AMH: variants seen among roughly 807,000 people sequenced by gnomAD.
AMH encodes the protein anti-Muellerian hormone.
A neutral mutation model predicts 33.3 loss-of-function variants in AMH; 39 were observed. That is an observed-to-expected ratio of 1.17 (90% CI 0.91 to 1.53). The LOEUF is 1.53. Ranked by LOEUF, AMH falls within the 40% of genes most tolerant of loss-of-function variation. The pLI is 0.00. For missense variants in AMH, 1,019 were observed against 799.8 expected, an observed-to-expected ratio of 1.27 and a Z score of -3.30; for synonymous variants, 536 against 403.0, an observed-to-expected ratio of 1.33 and a Z score of -3.95.
Position 2,251,329 on chromosome 19 carries a change from C to G in AMH, c.1055C>G (p.Pro352Arg). 1 of 1,496,290 alleles carries G rather than the reference C, an allele frequency of 6.7e-7. No homozygotes were observed. The highest frequency in any genetic ancestry group is 8.8e-7 in the Non-Finnish European group (1 of 1,130,442). 92.7% of individuals were successfully genotyped at this position (1,496,290 alleles called of 1,614,324 possible). A position where few individuals can be genotyped will look rare whatever the true frequency, so the allele number is the denominator to read the frequency against. Residue 352 changes from proline to arginine, a missense_variant, in exon 5 of 5, where the codon CCC (proline) becomes CGC (arginine). Transcript: ENST00000221496. ...GAGCCGCTGCTGCTGCTGCTGAGGC[C>G]CACTGCGGCCACCACCGGGGATCCT... Reference protein sequence around the residue: ...GEEPLLLLLRPTAATTGDPAP... With the variant: ...GEEPLLLLLRRTAATTGDPAP...
rs538374149 is a variant in AMH, at chr19:2,249,420, C to T, written c.88C>T (p.Pro30Ser). Residue 30 changes from proline (P) to serine (S), a missense_variant, in exon 1 of 5, where the codon CCA (proline) becomes TCA (serine). By Grantham distance (74) the Pro-to-Ser change is moderately conservative. Coordinates refer to ENST00000221496, the MANE Select transcript of AMH (RefSeq NM_000479.5). ...LGTEALRAEE[P>S]AVGTSGLIFR... ...GACTGAGGCCCTCAGAGCAGAGGAGCCAGCTGTGGGCACCAGTGGCCTCAT... is the reference window on the plus strand; with the variant it reads ...GACTGAGGCCCTCAGAGCAGAGGAGTCAGCTGTGGGCACCAGTGGCCTCAT... The T allele has an allele frequency of 6.3e-6, 10 of 1,598,040 alleles. No homozygotes were observed. In the Admixed American group the frequency reaches 1.0e-4, roughly 16 times the overall value.
At position 2,250,359 on chromosome 19, in the gene AMH, G is replaced by A. The variant is rs1418868403; in HGVS notation, c.435G>A (p.Ser145=). The A allele has an allele frequency of 4.4e-6, 7 of 1,598,016 alleles. No individual in the cohort carries two copies. The highest frequency in any genetic ancestry group is 4.0e-5 in the African/African-American group (3 of 74,738). Residue 145 remains serine, a synonymous_variant, in exon 2 of 5, where the codon TCG becomes TCA. Transcript: ENST00000221496. The stretch of plus-strand genomic sequence containing the variant: ...CAGTGACCTGGGAGCCAACACCCTC[G>A]CTGAGGTTCCAGGAGCCCCCGCCTG... ...LEEVTWEPTP[S]LRFQEPPPGG...
At chr19:2,250,223 G>C in intron 1 of AMH, 114 bp from the exon 2 acceptor site, 1 of 1,501,650 alleles carries the variant, frequency 6.7e-7, no homozygotes, top group Non-Finnish European at 8.9e-7. Flanking sequence ...GGGCACCCTT[G>C]TCCCCCGCTT....
rs1215625333 is a variant in AMH, at chr19:2,251,566, T to G, written c.1292T>G (p.Leu431Arg). The G allele has an allele frequency of 8.4e-6, 11 of 1,312,038 alleles. No homozygotes were observed. Among genetic ancestry groups the G allele is most frequent in the Non-Finnish European group, 1.9e-6 (2 of 1,033,062 alleles). The allele number at this position is 1,312,038 out of a possible 1,614,324, so 81.3% of individuals were successfully genotyped here. Residue 431 changes from leucine to arginine, a missense_variant, in exon 5 of 5, where the codon CTG (leucine) becomes CGG (arginine). Coordinates refer to ENST00000221496, the MANE Select transcript of AMH (RefSeq NM_000479.5). ...CGAGCGCTGCTGCTCCTGAAGGCGC[T>G]GCAGGGCCTGCGCGTGGAGTGGCGC... ...PLRALLLLKA[L>R]QGLRVEWRGR...
In AMH at chr19:2,249,563, C is replaced by A. The variant is rs1159509628; in HGVS notation, c.231C>A (p.Ser77Arg). The A allele has an allele frequency of 6.3e-7, 1 of 1,579,990 alleles. No homozygotes were observed. Among genetic ancestry groups the A allele is most frequent in the South Asian group, 1.1e-5 (1 of 87,624 alleles). ...SSPLRVVGALSAYEQAFLGAV... is the reference protein window; with the variant it reads ...SSPLRVVGALRAYEQAFLGAV... The stretch of plus-strand genomic sequence containing the variant: ...CCCTGCGGGTGGTGGGGGCTCTAAG[C>A]GCCTATGAGCAGGCCTTCCTGGGGG... Residue 77 changes from serine to arginine, a missense_variant, in exon 1 of 5, where the codon AGC becomes AGA. Physicochemically the swap from Ser to Arg is moderately radical, Grantham distance 110. Coordinates refer to ENST00000221496, the MANE Select transcript of AMH (RefSeq NM_000479.5).
chr19:2,251,354 TGCGCCCCTGC>T lies in AMH; in HGVS notation c.1081_1090del (p.Ala361ThrfsTer65), dbSNP rs995935353. The T allele has an allele frequency of 3.4e-6, 5 of 1,489,848 alleles. No individual in the cohort carries two copies. In the African/African-American group the frequency reaches 7.3e-5, roughly 22 times the overall value. The allele number at this position is 1,489,848 out of a possible 1,614,324, so 92.3% of individuals were successfully genotyped here. On this transcript the variant is annotated frameshift_variant, in exon 5 of 5. Coordinates refer to ENST00000221496, the MANE Select transcript of AMH (RefSeq NM_000479.5). LOFTEE classifies it low-confidence loss of function (END_TRUNC). ...CCACTGCGGCCACCACCGGGGATCC[TGCGCCCCTGC>T]ACGACCCCACGTCGGCGCCGTGGGC...
At chr19:2,250,803 C>A in intron 3 of AMH, 43 bp downstream of exon 3, 2 of 1,538,294 alleles carry the variant, frequency 1.3e-6, no homozygotes, top group Non-Finnish European at 1.7e-6. Context: ...GTCGACTGCC[C>A]CCGGGCCCCC....
rs1414967184 is a variant in AMH at position 2,251,466 on chromosome 19, C to G, written c.1192C>G (p.Pro398Ala). The change falls in exon 5 of 5, where the codon CCG becomes GCG. Residue 398 changes from proline to alanine, a missense_variant. Coordinates refer to ENST00000221496, the MANE Select transcript of AMH (RefSeq NM_000479.5). ...GCTGCGAAGCCTCCCGGGTCTGCCT[C>G]CGGCCACAGCCCCGCTGCTGGCGCG... ...AELRSLPGLP[P>A]ATAPLLARLL... 5 of 1,413,704 alleles carry G rather than the reference C, an allele frequency of 3.5e-6. No homozygotes were observed. Among genetic ancestry groups the G allele is most frequent in the Non-Finnish European group, 4.6e-6 (5 of 1,088,640 alleles). The allele number at this position is 1,413,704 out of a possible 1,614,324, so 87.6% of individuals were successfully genotyped here.
In AMH at chr19:2,249,646, C is replaced by T; in HGVS notation, c.314C>T (p.Thr105Ile). The change falls in exon 1 of 5, where the codon ACC becomes ATC. Residue 105 changes from threonine (T) to isoleucine (I), a missense_variant. By Grantham distance (89) the Thr-to-Ile change is moderately conservative. Transcript: ENST00000221496. The part of the protein sequence containing the change: ...RDLATFGVCN[T>I]GDRQAALPSL... ...CTGGCCACCTTCGGGGTCTGCAACA[C>T]CGGTGACAGGCAGGCTGCCTTGCCC... The T allele has an allele frequency of 6.6e-7, 1 of 1,518,028 alleles. No homozygotes were observed. The highest frequency in any genetic ancestry group is 8.8e-7 in the Non-Finnish European group (1 of 1,136,058). 94.0% of individuals were successfully genotyped at this position (1,518,028 alleles called of 1,614,324 possible). A position where few individuals can be genotyped will look rare whatever the true frequency, so the allele number is the denominator to read the frequency against.
In AMH at chr19:2,250,714, C is replaced by T; in HGVS notation, c.618C>T (p.Ala206=). 1.3e-6 allele frequency: 2 copies of T among 1,538,630 alleles called. No individual in the cohort carries two copies. Among genetic ancestry groups the T allele is most frequent in the South Asian group, 1.2e-5 (1 of 84,132 alleles). Residue 206 remains alanine (A), a synonymous_variant, in exon 3 of 5, where the codon GCC becomes GCT. Coordinates refer to ENST00000221496, the MANE Select transcript of AMH (RefSeq NM_000479.5). The part of the protein sequence containing the change: ...LVLAVDRPAG[A]WRGSGLALTL... ...TAGCGGTGGACCGCCCTGCGGGGGC[C>T]TGGCGCGGCTCCGGGCTGGCCTTGA... is the stretch of plus-strand genomic sequence containing the variant.
rs911237166 is a variant in AMH, at chr19:2,251,245, C to T, written c.971C>T (p.Pro324Leu). Reference sequence around the variant, plus strand: ...GATCCGGACGCGCTGGCCGGCTTCCCGCAGGGCCTAGTCAACCTGTCGGAC... The same window carrying T: ...GATCCGGACGCGCTGGCCGGCTTCCTGCAGGGCCTAGTCAACCTGTCGGAC... ...ALDPDALAGF[P>L]QGLVNLSDPA... Residue 324 changes from proline to leucine, a missense_variant, in exon 5 of 5, where the codon CCG becomes CTG. Pro to Leu is a moderately conservative substitution (Grantham distance 98). Transcript: ENST00000221496. 3 of 1,503,684 alleles carry T rather than the reference C, an allele frequency of 2.0e-6. No individual in the cohort carries two copies. The highest frequency in any genetic ancestry group is 2.7e-5 in the East Asian group (1 of 37,254). The allele number at this position is 1,503,684 out of a possible 1,614,324, so 93.1% of individuals were successfully genotyped here.
At position 2,251,992 on chromosome 19, in the gene AMH, C is replaced by T. The variant is rs747249118; in HGVS notation, c.*35C>T. The T allele has an allele frequency of 7.3e-5, 111 of 1,530,956 alleles. No individual in the cohort carries two copies. The highest frequency in any genetic ancestry group is 3.8e-4 in the South Asian group (32 of 84,042). 94.8% of individuals were successfully genotyped at this position (1,530,956 alleles called of 1,614,324 possible). Reference sequence around the variant, plus strand: ...CGCGCGGACTCCTGCCCCGAGGGTCCGGACGCGCCCCAGCTCGCGCCCCTT... The same window carrying T: ...CGCGCGGACTCCTGCCCCGAGGGTCTGGACGCGCCCCAGCTCGCGCCCCTT... On this transcript the variant is annotated 3_prime_UTR_variant, in exon 5 of 5. Coordinates refer to ENST00000221496, the MANE Select transcript of AMH (RefSeq NM_000479.5).
At chr19:2,250,295 G>GA (rs1568393082) in intron 1 of AMH, 42 bp from the exon 2 acceptor site, 47 of 1,565,850 alleles carry the variant, frequency 3.0e-5, no homozygotes, top group Non-Finnish European at 3.8e-5. Flanking sequence ...CGGGGGGTGT[G>GA]GCCTTCAATG....
Position 2,251,517 on chromosome 19 carries a change from C to G in AMH, c.1243C>G (p.Pro415Ala). 1 of 1,341,156 alleles carries G rather than the reference C, an allele frequency of 7.5e-7. No homozygotes were observed. The highest frequency in any genetic ancestry group is 9.5e-7 in the Non-Finnish European group (1 of 1,049,046). 83.1% of individuals were successfully genotyped at this position (1,341,156 alleles called of 1,614,324 possible). ...ARLLALCPGG[P>A]GGLGDPLRAL... Reference sequence around the variant, plus strand: ...CCTGCTCGCGCTCTGCCCAGGTGGCCCCGGCGGCCTCGGCGATCCCCTGCG... The same window carrying G: ...CCTGCTCGCGCTCTGCCCAGGTGGCGCCGGCGGCCTCGGCGATCCCCTGCG... Residue 415 changes from proline to alanine, a missense_variant, in exon 5 of 5, where the codon CCC becomes GCC. Coordinates refer to ENST00000221496, the MANE Select transcript of AMH (RefSeq NM_000479.5).
chr19:2,249,410 A>G lies in AMH; in HGVS notation c.78A>G (p.Arg26=), dbSNP rs1331714454. 6.3e-7 allele frequency: 1 copy of G among 1,595,652 alleles called. No homozygotes were observed. Among genetic ancestry groups the G allele is most frequent in the African/African-American group, 1.3e-5 (1 of 74,432 alleles). Residue 26 remains arginine, a synonymous_variant, in exon 1 of 5, where the codon AGA becomes AGG. Transcript: ENST00000221496. ...LGALLGTEAL[R]AEEPAVGTSG... The stretch of plus-strand genomic sequence containing the variant: ...CTCTGCTGGGGACTGAGGCCCTCAG[A>G]GCAGAGGAGCCAGCTGTGGGCACCA...
intron 2 of AMH, 74 bp downstream of exon 2, chr19:2,250,553 T>G: frequency 6.5e-7 from 1 of 1,539,300 alleles, no homozygotes; most frequent in Non-Finnish European, 8.7e-7. Context: ...TCTGCAGTAC[T>G]GAGAACAGCG....
In AMH at chr19:2,251,220, G is replaced by C; in HGVS notation, c.946G>C (p.Asp316His). 6.7e-7 allele frequency: 1 copy of C among 1,502,986 alleles called. No individual in the cohort carries two copies. Among genetic ancestry groups the C allele is most frequent in the Non-Finnish European group, 8.8e-7 (1 of 1,133,404 alleles). 93.1% of individuals were successfully genotyped at this position (1,502,986 alleles called of 1,614,324 possible). A position where few individuals can be genotyped will look rare whatever the true frequency, so the allele number is the denominator to read the frequency against. ...GGCCTCCGCGCCGCGCCTGGCCCTG[G>C]ATCCGGACGCGCTGGCCGGCTTCCC... ...ARASAPRLALDPDALAGFPQG... is the reference protein window; with the variant it reads ...ARASAPRLALHPDALAGFPQG... The change falls in exon 5 of 5, where the codon GAT becomes CAT. Residue 316 changes from aspartate (D) to histidine (H), a missense_variant. Coordinates refer to ENST00000221496, the MANE Select transcript of AMH (RefSeq NM_000479.5).
At position 2,250,667 on chromosome 19, in the gene AMH, C is replaced by G. The variant is rs104894666; in HGVS notation, c.571C>G (p.Arg191Gly). Residue 191 changes from arginine to glycine, a missense_variant, in exon 3 of 5, where the codon CGA becomes GGA. Transcript: ENST00000221496. ...LPGAQSLCPS[R>G]DTRYLVLAVD... ...GTCTCCGCAGAGCCTCTGCCCCTCC[C>G]GAGACACCCGCTACCTGGTGTTAGC... 1.3e-6 allele frequency: 2 copies of G among 1,539,332 alleles called. No homozygotes were observed. The highest frequency in any genetic ancestry group is 1.4e-5 in the African/African-American group (1 of 73,014).
In AMH at chr19:2,249,636, G is replaced by A. The variant is rs200289507; in HGVS notation, c.304G>A (p.Val102Ile). The change falls in exon 1 of 5, where the codon GTC becomes ATC. Residue 102 changes from valine (V) to isoleucine (I), a missense_variant. Physicochemically the swap from Val to Ile is conservative, Grantham distance 29 (BLOSUM62 3). Transcript: ENST00000221496. ...CCCCCGAGACCTGGCCACCTTCGGGGTCTGCAACACCGGTGACAGGCAGGC... is the reference window on the plus strand; with the variant it reads ...CCCCCGAGACCTGGCCACCTTCGGGATCTGCAACACCGGTGACAGGCAGGC... Reference protein sequence around the residue: ...WGPRDLATFGVCNTGDRQAAL... With the variant: ...WGPRDLATFGICNTGDRQAAL... 6.4e-4 allele frequency: 982 copies of A among 1,528,246 alleles called. 5 individuals are homozygous for A. The African/African-American group carries it at 0.012, about 19-fold the overall frequency. The allele number at this position is 1,528,246 out of a possible 1,614,324, so 94.7% of individuals were successfully genotyped here. A position where few individuals can be genotyped will look rare whatever the true frequency, so the allele number is the denominator to read the frequency against.
Sources: allele counts gnomAD v4.1 joint callset, GRCh38; gene constraint gnomAD v4.1.1; transcripts MANE v1.5; gene names NCBI Gene and HGNC (gene_info 2026-07-23, HGNC 2026-07-21).